CEP162: variants seen among roughly 807,000 people sequenced by gnomAD.
The protein encoded by CEP162 is centrosomal protein of 162 kDa.
A neutral mutation model predicts 169.2 loss-of-function variants in CEP162; 141 were observed. That is an observed-to-expected ratio of 0.83 (90% confidence interval 0.73 to 0.96). The LOEUF (loss-of-function observed/expected upper bound fraction) is 0.96. Among genes scored for constraint, CEP162 ranks in the 40% least tolerant of loss-of-function variants. CEP162 has a pLI of 0.00. For missense variants in CEP162, 1,600 were observed against 1,587.2 expected, an observed-to-expected ratio of 1.01 and a Z score of -0.14; for synonymous variants, 540 against 526.4, an observed-to-expected ratio of 1.03 and a Z score of -0.35.
At chr6:84,163,394 GTTA>G in intron 18 of CEP162, 124 bp from the exon 19 acceptor site, 1 of 697,290 alleles carries the variant, frequency 1.4e-6, no homozygotes, top group Non-Finnish European at 2.4e-6. Context: ...TAGCTCTGAT[GTTA>G]TTACTACCAC....
rs188803455 is a variant in CEP162 at position 84,140,728 on chromosome 6, T to G, written c.3870+5959A>C. On this transcript the variant is annotated intron_variant, in intron 25 of 26. Coordinates refer to ENST00000403245, the MANE Select transcript of CEP162 (RefSeq NM_014895.4). ...TTTATAGAGATGATGTCTCGTCATA[T>G]TGCCCAGGCTGGTTTCAAACTCCTG... is the stretch of plus-strand genomic sequence containing the variant. Among the ~76,000 whole-genome samples, 7 of 152,246 alleles carry G rather than the reference T, an allele frequency of 4.6e-5. No individual in the cohort carries two copies. The East Asian group carries it at 1.4e-3, about 29-fold the overall frequency.
intron 11 of CEP162, among the ~76,000 whole-genome samples, chr6:84,189,813 G>A (rs953903608): frequency 7.9e-5 from 12 of 152,248 alleles, no homozygotes; most frequent in Non-Finnish European, 1.3e-4. Context: ...GGATCCACTA[G>A]GTGAAGCCAG....
chr6:84,175,075 T>C (rs944041072), intron 14 of CEP162, 121 bp from the exon 15 acceptor site: 1 of 906,448 alleles, frequency 1.1e-6, no homozygotes, highest in African/African-American at 1.7e-5. Context: ...ATAAGAAAAT[T>C]AACTGTTTAG....
chr6:84,169,597 C>T (rs1201808701), intron 17 of CEP162, among the ~76,000 whole-genome samples, 164 bp from the exon 18 acceptor site: 2 of 151,924 alleles, frequency 1.3e-5, no homozygotes, highest in African/African-American at 2.4e-5. Context: ...TACTACCATA[C>T]TAAAAGAGAA....
intron 25 of CEP162, among the ~76,000 whole-genome samples, chr6:84,143,356 G>A (rs796378102): frequency 1.7e-4 from 26 of 151,994 alleles, no homozygotes; most frequent in African/African-American, 6.3e-4. Flanking sequence ...CTGCTTTGTA[G>A]TTTTCATAAG....
At chr6:84,212,343 T>C (rs1172564961) in intron 6 of CEP162, among the ~76,000 whole-genome samples, 1 of 152,120 alleles carries the variant, frequency 6.6e-6, no homozygotes, top group African/African-American at 2.4e-5. Context: ...TTAACAACAA[T>C]AATAATAATG....
At chr6:84,203,102 T>G (rs574394187) in intron 7 of CEP162, among the ~76,000 whole-genome samples, 1 of 152,298 alleles carries the variant, frequency 6.6e-6, no homozygotes, top group South Asian at 2.1e-4. Context: ...TTCTACTAGC[T>G]ACTATTAGAT....
chr6:84,146,360 G>GTACTT (rs1195511532), intron 25 of CEP162, among the ~76,000 whole-genome samples: 9 of 152,204 alleles, frequency 5.9e-5, no homozygotes, highest in South Asian at 4.1e-4. Flanking sequence ...CTCCCTGACA[G>GTACTT]TACTTTACTT....
intron 9 of CEP162, among the ~76,000 whole-genome samples, chr6:84,200,167 A>G (rs117760641): frequency 0.034 from 5,228 of 152,250 alleles, 146 homozygotes; most frequent in South Asian, 0.073. Flanking sequence ...ACAGAATTGC[A>G]TGAACCTGGG....
chr6:84,132,882 C>T (rs557033389), intron 25 of CEP162, among the ~76,000 whole-genome samples: 49 of 152,056 alleles, frequency 3.2e-4, no homozygotes, highest in Non-Finnish European at 6.2e-4. Context: ...CAGCTTTATT[C>T]CAAAGGAACA....
intron 17 of CEP162, 50 bp from the exon 18 acceptor site, chr6:84,169,483 C>A: frequency 9.6e-7 from 1 of 1,037,336 alleles, no homozygotes. Context: ...ACCAGGTGCT[C>A]CTTTCAGTAG....
At chr6:84,190,387 G>C (rs1484416083) in intron 11 of CEP162, among the ~76,000 whole-genome samples, 1 of 151,978 alleles carries the variant, frequency 6.6e-6, no homozygotes, top group African/African-American at 2.4e-5. Flanking sequence ...CAGGCTGCCC[G>C]AGCCAGCATT....
chr6:84,215,388 G>A lies in CEP162; in HGVS notation c.397C>T (p.Gln133Ter), dbSNP rs1332133080. 1.2e-6 allele frequency: 2 copies of A among 1,609,434 alleles called. No individual in the cohort carries two copies. Among genetic ancestry groups the A allele is most frequent in the Non-Finnish European group, 1.7e-6 (2 of 1,177,372 alleles). Residue 133 changes from glutamine to a stop codon, truncating the protein, a stop_gained, in exon 5 of 27, where the codon CAA (glutamine) becomes TAA (stop). Coordinates refer to ENST00000403245, the MANE Select transcript of CEP162 (RefSeq NM_014895.4). LOFTEE classifies it high-confidence loss of function. The part of the protein sequence containing the change: ...DTLEEQEEKE[Q>*]FFARLEKGLT... ...CCTTTCTCAAGCCTGGCAAAAAATT[G>A]TTCTTTCTCCTCTTGTTCTTCTAAT...
intron 25 of CEP162, among the ~76,000 whole-genome samples, chr6:84,140,680 T>C (rs779761199): frequency 6.6e-6 from 1 of 152,024 alleles, no homozygotes; most frequent in African/African-American, 2.4e-5. Context: ...CGCATGTTAC[T>C]GCACAGGCTA....
chr6:84,185,527 A>G, intron 12 of CEP162, 79 bp from the exon 13 acceptor site: 1 of 1,219,552 alleles, frequency 8.2e-7, no homozygotes, highest in Non-Finnish European at 1.2e-6. Flanking sequence ...AATAGATGGC[A>G]AAACAATAGT....
chr6:84,126,675 G>A (rs2099509044), intron 25 of CEP162, among the ~76,000 whole-genome samples, 163 bp from the exon 26 acceptor site: 1 of 152,124 alleles, frequency 6.6e-6, no homozygotes, highest in South Asian at 2.1e-4. Context: ...AGAAAGTAAA[G>A]GTTCCTCCTA....
intron 17 of CEP162, among the ~76,000 whole-genome samples, chr6:84,171,113 G>A (rs918790986): frequency 5.9e-5 from 9 of 152,088 alleles, no homozygotes; most frequent in Admixed American, 1.3e-4. Context: ...CTACCTCACC[G>A]TTCCTGCTTC....
At chr6:84,142,404 GTA>G (rs1046203502) in intron 25 of CEP162, among the ~76,000 whole-genome samples, 1 of 152,154 alleles carries the variant, frequency 6.6e-6, no homozygotes, top group Non-Finnish European at 1.5e-5. Context: ...ACATCTATGT[GTA>G]TGTGTGTGTG....
intron 10 of CEP162, among the ~76,000 whole-genome samples, 154 bp downstream of exon 10, chr6:84,194,730 G>A (rs1300055844): frequency 6.6e-6 from 1 of 152,136 alleles, no homozygotes; most frequent in Non-Finnish European, 1.5e-5. Context: ...GGGATTACAG[G>A]CATCAGCCAC....
Sources: allele counts gnomAD v4.1 joint callset (sites outside exome capture counted in the v4.1 genomes callset), GRCh38; gene constraint gnomAD v4.1.1; transcripts MANE v1.5; gene names NCBI Gene and HGNC (gene_info 2026-07-23, HGNC 2026-07-21).